HDAC8: variants seen among roughly 807,000 people sequenced by gnomAD.
The protein encoded by HDAC8 is histone deacetylase 8.
Under a neutral mutation model 32.2 loss-of-function variants are expected in HDAC8, and 1 was observed. The observed-to-expected ratio is 0.03, with a 90% confidence interval of 0.01 to 0.15. The LOEUF (loss-of-function observed/expected upper bound fraction) is 0.15, where lower values mean the gene tolerates loss of function less well. Ranked by LOEUF, HDAC8 falls within the 10% of genes least tolerant of loss-of-function variation. HDAC8 has a pLI of 1.00. For synonymous variants in HDAC8, 108 were observed against 113.9 expected, an observed-to-expected ratio of 0.95 and a Z score of 0.33; for missense variants, 117 against 300.0, an observed-to-expected ratio of 0.39 and a Z score of 4.51.
At chrX:72,484,535 T>A (rs60075989) in intron 7 of HDAC8, among the ~76,000 whole-genome samples, 2,716 of 112,448 alleles carry the variant, frequency 0.024, 71 homozygotes, top group African/African-American at 0.083. Context: ...TATAAGCACT[T>A]CATATATGGT....
In HDAC8 at chrX:72,515,022, T is replaced by C. The variant is rs191211261; in HGVS notation, c.438-19754A>G. Among the ~76,000 whole-genome samples, 36 of 111,938 alleles carry C rather than the reference T, an allele frequency of 3.2e-4. 1 individual carries two copies. In the East Asian group the frequency reaches 0.01, roughly 31 times the overall value. On this transcript the variant is annotated intron_variant, in intron 4 of 10. Coordinates refer to ENST00000373573, the MANE Select transcript of HDAC8 (RefSeq NM_018486.3). ...CACCACAATCAAGCTAATTAACATATCCATCACTGCAGATAGTTACCACTT... is the reference window on the plus strand; with the variant it reads ...CACCACAATCAAGCTAATTAACATACCCATCACTGCAGATAGTTACCACTT...
At chrX:72,395,732 G>C (rs1446701664) in intron 9 of HDAC8, among the ~76,000 whole-genome samples, 1 of 112,275 alleles carries the variant, frequency 8.9e-6, no homozygotes, top group Non-Finnish European at 1.9e-5. Flanking sequence ...GCACAGACTT[G>C]AAGGACAGTT....
chrX:72,519,594 A>C (rs1475849075), intron 4 of HDAC8, among the ~76,000 whole-genome samples: 1 of 111,244 alleles, frequency 9.0e-6, no homozygotes, highest in Non-Finnish European at 1.9e-5. Context: ...GCCATTTATA[A>C]ATTTTCTTTT....
intron 7 of HDAC8, among the ~76,000 whole-genome samples, chrX:72,483,296 A>G (rs1212251209): frequency 1.8e-5 from 2 of 111,505 alleles, no homozygotes; most frequent in Non-Finnish European, 3.8e-5. Context: ...GGCGTGGTGG[A>G]AGGTATTAGG....
chrX:72,413,315 T>C (rs1476695165), intron 9 of HDAC8, among the ~76,000 whole-genome samples: 1 of 84,730 alleles, frequency 1.2e-5, no homozygotes, highest in Non-Finnish European at 2.2e-5. Flanking sequence ...CCCCTTCCTG[T>C]GTCCATGTGT....
intron 4 of HDAC8, among the ~76,000 whole-genome samples, chrX:72,519,408 A>T (rs2049911826): frequency 1.8e-5 from 2 of 111,982 alleles, no homozygotes; most frequent in Admixed American, 1.9e-4. Context: ...GTACCATTCT[A>T]CATTCCCACC....
chrX:72,512,736 C>T (rs1024891100), intron 4 of HDAC8, among the ~76,000 whole-genome samples: 1 of 111,346 alleles, frequency 9.0e-6, no homozygotes, highest in Non-Finnish European at 1.9e-5. Context: ...CCTCCTGGGT[C>T]GCACACTTTA....
chrX:72,492,354 G>T (rs891479396), intron 5 of HDAC8, among the ~76,000 whole-genome samples: 1 of 111,580 alleles, frequency 9.0e-6, no homozygotes, highest in African/African-American at 3.3e-5. Flanking sequence ...GTGGCCATTT[G>T]TATTTCTTCT....
At chrX:72,549,089 T>C (rs951395347) in intron 4 of HDAC8, among the ~76,000 whole-genome samples, 1 of 111,935 alleles carries the variant, frequency 8.9e-6, no homozygotes, top group Non-Finnish European at 1.9e-5. Flanking sequence ...TTTTGTTCCC[T>C]TGGGGCCAAT....
At chrX:72,349,308 C>T (rs1555947989) in intron 10 of HDAC8, among the ~76,000 whole-genome samples, 1 of 112,279 alleles carries the variant, frequency 8.9e-6, no homozygotes, top group Non-Finnish European at 1.9e-5. Flanking sequence ...GGAACATGCT[C>T]CTATTTGTCT....
chrX:72,527,706 C>T (rs1255040011), intron 4 of HDAC8, among the ~76,000 whole-genome samples: 1 of 109,761 alleles, frequency 9.1e-6, no homozygotes, highest in African/African-American at 3.3e-5. Flanking sequence ...TCCTGACATA[C>T]AGCATGTACT....
chrX:72,417,411 T>C (rs1190158467), intron 9 of HDAC8, among the ~76,000 whole-genome samples: 3 of 111,699 alleles, frequency 2.7e-5, no homozygotes, highest in Non-Finnish European at 5.7e-5. Flanking sequence ...TCAGCAGCAA[T>C]TCTAGACACC....
intron 9 of HDAC8, among the ~76,000 whole-genome samples, chrX:72,386,550 T>G (rs1484620463): frequency 8.9e-6 from 1 of 111,790 alleles, no homozygotes; most frequent in Non-Finnish European, 1.9e-5. Context: ...ATACTATATT[T>G]AAAAAATAGT....
intron 9 of HDAC8, among the ~76,000 whole-genome samples, chrX:72,400,218 T>G (rs1339323189): frequency 8.9e-6 from 1 of 111,888 alleles, no homozygotes; most frequent in Non-Finnish European, 1.9e-5. Flanking sequence ...TATACATACT[T>G]CTTTGGTGAT....
chrX:72,491,788 C>T (rs190787189), intron 5 of HDAC8, among the ~76,000 whole-genome samples: 105 of 111,847 alleles, frequency 9.4e-4, no homozygotes, highest in African/African-American at 3.3e-3. Flanking sequence ...GGTAAACACA[C>T]TGCCCACCTC....
intron 9 of HDAC8, among the ~76,000 whole-genome samples, 182 bp downstream of exon 9, chrX:72,461,822 A>G (rs1555991791): frequency 1.8e-5 from 2 of 112,009 alleles, no homozygotes; most frequent in Non-Finnish European, 3.8e-5. Context: ...AAAAAAACAA[A>G]AAGGCAGAAG....
chrX:72,382,814 A>C (rs1163792866), intron 9 of HDAC8, among the ~76,000 whole-genome samples: 1 of 111,713 alleles, frequency 9.0e-6, no homozygotes, highest in Non-Finnish European at 1.9e-5. Context: ...GGTAGTGGTA[A>C]TGGTTGCATA....
chrX:72,503,143 G>A (rs2049279990), intron 4 of HDAC8, among the ~76,000 whole-genome samples: 1 of 111,780 alleles, frequency 8.9e-6, no homozygotes, highest in Middle Eastern at 4.6e-3. Flanking sequence ...AGCTTTTTAT[G>A]TTTTACACCA....
At chrX:72,471,463 T>C (rs1438407320) in intron 7 of HDAC8, among the ~76,000 whole-genome samples, 3 of 112,288 alleles carry the variant, frequency 2.7e-5, no homozygotes, top group Non-Finnish European at 5.6e-5. Context: ...ATCAGCAATG[T>C]ATGAAGGTTC....
Sources: gnomAD v4.1 joint callset for allele counts (sites outside exome capture counted in the v4.1 genomes callset) on GRCh38, gnomAD v4.1.1 for gene constraint, MANE v1.5 for transcripts, NCBI Gene and HGNC (gene_info 2026-07-23, HGNC 2026-07-21) for gene names.